The following TIAM2 variants were observed in gnomAD, a reference collection of about 807,000 sequenced individuals.
The protein encoded by TIAM2 is rho guanine nucleotide exchange factor TIAM2.
A neutral mutation model predicts 152.9 loss-of-function variants in TIAM2; 80 were observed. The ratio of observed to expected loss-of-function variants is 0.52; its 90% CI spans 0.44 to 0.63. The LOEUF (loss-of-function observed/expected upper bound fraction) is 0.63. Ranked by LOEUF, TIAM2 falls within the 30% of genes least tolerant of loss-of-function variation. The pLI is 0.00. For missense variants in TIAM2, 1,965 were observed against 2,120.1 expected (o/e 0.93, Z 1.44); for synonymous variants, 804 against 838.0 (o/e 0.96, Z 0.70).
chr6:155,127,534 G>A lies in TIAM2; in HGVS notation c.-73G>A. 4.4e-6 allele frequency: 2 copies of A among 455,788 alleles called. No homozygotes were observed. The highest frequency in any genetic ancestry group is 8.8e-6 in the Non-Finnish European group (2 of 226,746). The allele number at this position is 455,788 out of a possible 1,614,324, so 28.2% of individuals were successfully genotyped here. ...TTTGCGTGCTTGTTAAATGTGCTGT[G>A]TTGCTCCCAAGACCATGTAAAGCCT... On this transcript the variant is annotated 5_prime_UTR_variant, in exon 3 of 27. Coordinates refer to ENST00000682666, the MANE Select transcript of TIAM2 (RefSeq NM_012454.4).
intron 10 of TIAM2, among the ~76,000 whole-genome samples, chr6:155,178,198 G>A (rs1305680945): frequency 1.3e-5 from 2 of 151,272 alleles, no homozygotes; most frequent in East Asian, 3.9e-4. Context: ...AGATGTAGTG[G>A]GTCAATTTGA....
intron 1 of TIAM2, among the ~76,000 whole-genome samples, chr6:155,029,391 A>G (rs149528410): frequency 0.042 from 2,247 of 53,978 alleles, 99 homozygotes; most frequent in African/African-American, 0.079. Flanking sequence ...TATGTTATAT[A>G]TATACTATAG....
At chr6:155,238,829 G>A (rs1270869635) in intron 15 of TIAM2, among the ~76,000 whole-genome samples, 1 of 152,214 alleles carries the variant, frequency 6.6e-6, no homozygotes, top group African/African-American at 2.4e-5. Context: ...TGTAGGAACT[G>A]TTTCTACTTC....
intron 1 of TIAM2, among the ~76,000 whole-genome samples, chr6:155,087,718 C>T (rs1197476324): frequency 6.6e-6 from 1 of 151,968 alleles, no homozygotes; most frequent in African/African-American, 2.4e-5. Flanking sequence ...CATTACACTC[C>T]AGCCTGGGTG....
intron 16 of TIAM2, among the ~76,000 whole-genome samples, chr6:155,242,533 C>A (rs985251139): frequency 2.0e-5 from 3 of 152,182 alleles, no homozygotes; most frequent in African/African-American, 7.2e-5. Context: ...GCCTTTTGCT[C>A]TCTGAACTAA....
intron 1 of TIAM2, among the ~76,000 whole-genome samples, chr6:155,054,214 T>C (rs969779129): frequency 4.6e-5 from 7 of 152,118 alleles, no homozygotes; most frequent in Non-Finnish European, 8.8e-5. Flanking sequence ...TGTTGGTCTC[T>C]GTGAGCTTGG....
intron 1 of TIAM2, among the ~76,000 whole-genome samples, chr6:155,029,570 A>C (rs1308363149): frequency 9.8e-6 from 1 of 102,292 alleles, no homozygotes; most frequent in Non-Finnish European, 1.8e-5. Flanking sequence ...TATACTATAT[A>C]ATAGTATATA....
In TIAM2 at chr6:155,248,009, A is replaced by T. The variant is rs1156354785; in HGVS notation, c.3662A>T (p.Asp1221Val). Residue 1221 changes from aspartate to valine, a missense_variant, in exon 20 of 27, where the codon GAC becomes GTC. This residue lies in a region of TIAM2 where 935 missense variants were observed against 980.0 expected (regional missense o/e 0.95). Transcript: ENST00000682666. Reference sequence around the variant, plus strand: ...ATCCATCTGCTTGTAGCTAAAACTGACAAAGCCTTCAAGGCTTTTCTGGAC... The same window carrying T: ...ATCCATCTGCTTGTAGCTAAAACTGTCAAAGCCTTCAAGGCTTTTCTGGAC... ...VQKVLERAKTDKAFKAFLDAR... is the reference protein window; with the variant it reads ...VQKVLERAKTVKAFKAFLDAR... 2 of 1,614,036 alleles carry T rather than the reference A, an allele frequency of 1.2e-6. No homozygotes were observed. Among genetic ancestry groups the T allele is most frequent in the East Asian group, 4.5e-5 (2 of 44,882 alleles).
chr6:155,249,100 T>TA (rs991817430), intron 20 of TIAM2, among the ~76,000 whole-genome samples: 1 of 152,198 alleles, frequency 6.6e-6, no homozygotes, highest in African/African-American at 2.4e-5. Flanking sequence ...GGGTTTGATT[T>TA]AAAAAACTTC....
chr6:155,203,964 C>T (rs925449809), intron 14 of TIAM2, among the ~76,000 whole-genome samples: 2 of 152,102 alleles, frequency 1.3e-5, no homozygotes, highest in African/African-American at 4.8e-5. Context: ...GGTGGTGGCG[C>T]TGACCACCAG....
intron 1 of TIAM2, among the ~76,000 whole-genome samples, chr6:155,043,633 C>CAAAAAAAAAA (rs60093259): frequency 2.0e-5 from 1 of 50,250 alleles, no homozygotes; most frequent in African/African-American, 7.8e-5. Context: ...GACCCTGTCT[C>CAAAAAAAAAA]AAAAAAAAAA....
intron 5 of TIAM2, among the ~76,000 whole-genome samples, chr6:155,142,926 A>T (rs1180265661): frequency 6.6e-6 from 1 of 152,230 alleles, no homozygotes; most frequent in Non-Finnish European, 1.5e-5. Flanking sequence ...TTGTTTGTTC[A>T]TATCAAGACT....
intron 5 of TIAM2, 117 bp from the exon 6 acceptor site, chr6:155,144,489 T>G: frequency 1.0e-6 from 1 of 997,832 alleles, no homozygotes; most frequent in Non-Finnish European, 1.4e-6. Flanking sequence ...TTACCATGTT[T>G]CTGTCACATG....
chr6:155,028,828 G>A (rs1193841682), intron 1 of TIAM2, among the ~76,000 whole-genome samples: 2 of 131,518 alleles, frequency 1.5e-5, no homozygotes, highest in South Asian at 2.3e-4. Flanking sequence ...TATATACTGT[G>A]TTATATATAT....
intron 15 of TIAM2, among the ~76,000 whole-genome samples, chr6:155,229,022 C>T (rs1782354422): frequency 6.6e-6 from 1 of 152,240 alleles, no homozygotes; most frequent in African/African-American, 2.4e-5. Flanking sequence ...GAAAGTATGT[C>T]CGCATTTCCT....
At chr6:155,015,944 CAAAAAAAAAA>C (rs3081689) in intron 1 of TIAM2, among the ~76,000 whole-genome samples, 1 of 61,762 alleles carries the variant, frequency 1.6e-5, no homozygotes, top group Non-Finnish European at 3.7e-5. Flanking sequence ...TTCAAAAAAC[CAAAAAAAAAA>C]AAAAAAAAAA....
In TIAM2 at chr6:155,246,292, G is replaced by A. The variant is rs541777275; in HGVS notation, c.3652+561G>A. On this transcript the variant is annotated intron_variant, in intron 19 of 26. Transcript: ENST00000682666. ...TTAGTGCTCATTCATGTCCACGGAT[G>A]CAGCTCTGCCATTGGATTTTAATCC... Among the ~76,000 whole-genome samples, 33 of 152,190 alleles carry A rather than the reference G, an allele frequency of 2.2e-4. No individual in the cohort carries two copies. In the South Asian group the frequency reaches 6.4e-3, roughly 30 times the overall value.
intron 1 of TIAM2, among the ~76,000 whole-genome samples, chr6:155,060,107 A>G (rs1315710996): frequency 1.3e-5 from 2 of 152,076 alleles, no homozygotes; most frequent in African/African-American, 4.8e-5. Context: ...CATTCCTTCT[A>G]TTAATACATT....
intron 14 of TIAM2, among the ~76,000 whole-genome samples, chr6:155,190,141 CT>C (rs1222784643): frequency 2.0e-5 from 3 of 152,218 alleles, no homozygotes; most frequent in Non-Finnish European, 2.9e-5. Context: ...CTACTTCCCC[CT>C]GCCTTCTATA....
Sources: allele counts gnomAD v4.1 joint callset (sites outside exome capture counted in the v4.1 genomes callset), GRCh38; gene constraint gnomAD v4.1.1; regional missense constraint gnomAD v4.1.1; transcripts MANE v1.5; gene names NCBI Gene and HGNC (gene_info 2026-07-23, HGNC 2026-07-21).